The following GPC5 variants were observed in gnomAD, a reference collection of about 807,000 sequenced individuals.
GPC5 encodes glypican 5, also known as glypican-5.
Under a neutral mutation model 53.9 loss-of-function variants are expected in GPC5, and 47 were observed. The observed-to-expected ratio is 0.87, with a 90% CI of 0.69 to 1.11. The LOEUF (loss-of-function observed/expected upper bound fraction) is 1.11. Ranked by LOEUF, GPC5 falls within the 50% of genes most tolerant of loss-of-function variation. The pLI, the probability that GPC5 is intolerant of heterozygous loss-of-function variation, is 0.00. For synonymous variants in GPC5, 286 were observed against 263.3 expected (o/e 1.09, Z -0.84); for missense variants, 748 against 713.1 (o/e 1.05, Z -0.56).
intron 7 of GPC5, among the ~76,000 whole-genome samples, chr13:92,259,034 G>C (rs2042746717): frequency 6.6e-6 from 1 of 152,180 alleles, no homozygotes; most frequent in Non-Finnish European, 1.5e-5. Context: ...ATTCAAGGGA[G>C]TATAAAATTA....
At chr13:91,738,691 AT>A (rs1269726604) in intron 4 of GPC5, among the ~76,000 whole-genome samples, 2 of 151,076 alleles carry the variant, frequency 1.3e-5, no homozygotes, top group Non-Finnish European at 2.9e-5. Context: ...CTTAATGGTT[AT>A]TATAGAGATC....
chr13:92,634,659 C>T (rs1885357369), intron 7 of GPC5, among the ~76,000 whole-genome samples: 2 of 151,958 alleles, frequency 1.3e-5, no homozygotes, highest in Non-Finnish European at 1.5e-5. Context: ...TTTCTATTTT[C>T]TAGAAACACT....
At chr13:92,426,049 C>A (rs903630834) in intron 7 of GPC5, among the ~76,000 whole-genome samples, 1 of 152,050 alleles carries the variant, frequency 6.6e-6, no homozygotes, top group Admixed American at 6.6e-5. Flanking sequence ...TAAAACAATA[C>A]AACACCGAAC....
At chr13:91,698,021 C>A (rs931629940) in intron 3 of GPC5, among the ~76,000 whole-genome samples, 34 of 151,868 alleles carry the variant, frequency 2.2e-4, no homozygotes, top group Non-Finnish European at 4.6e-4. Flanking sequence ...CCTGCCTCAG[C>A]CTCCCAAGTA....
intron 7 of GPC5, among the ~76,000 whole-genome samples, chr13:92,330,677 G>GT (rs2043282253): frequency 6.6e-6 from 1 of 152,102 alleles, no homozygotes; most frequent in Admixed American, 6.6e-5. Context: ...TTTTATTTAA[G>GT]AGTATTTATC....
At chr13:91,859,751 CCT>C (rs2039005607) in intron 5 of GPC5, among the ~76,000 whole-genome samples, 1 of 151,482 alleles carries the variant, frequency 6.6e-6, no homozygotes, top group African/African-American at 2.4e-5. Flanking sequence ...TCTTTCATTA[CCT>C]CTGTTATTTT....
intron 7 of GPC5, among the ~76,000 whole-genome samples, chr13:92,595,584 C>T (rs1382532426): frequency 3.3e-5 from 5 of 151,388 alleles, no homozygotes; most frequent in African/African-American, 4.9e-5. Context: ...CTGGCTAACA[C>T]GGTGAAACCC....
At chr13:92,556,510 T>C (rs1320850624) in intron 7 of GPC5, among the ~76,000 whole-genome samples, 1 of 151,760 alleles carries the variant, frequency 6.6e-6, no homozygotes, top group African/African-American at 2.4e-5. Flanking sequence ...ACAGGCTGTA[T>C]GTAGAGACCC....
intron 2 of GPC5, among the ~76,000 whole-genome samples, chr13:91,524,180 A>G (rs1399666721): frequency 1.3e-5 from 2 of 152,094 alleles, no homozygotes; most frequent in African/African-American, 4.8e-5. Flanking sequence ...TTTTGACAAC[A>G]AGGAAACTGA....
chr13:91,442,344 C>T (rs1880501219), intron 1 of GPC5, among the ~76,000 whole-genome samples: 2 of 151,992 alleles, frequency 1.3e-5, no homozygotes, highest in East Asian at 3.9e-4. Flanking sequence ...ATGTGTTGCC[C>T]ATTTAAAGAA....
chr13:91,705,659 TTC>T (rs1428547658), intron 3 of GPC5, among the ~76,000 whole-genome samples: 8 of 151,976 alleles, frequency 5.3e-5, no homozygotes, highest in African/African-American at 1.4e-4. Flanking sequence ...GAAACCTTTA[TTC>T]TCTTACTTGG....
chr13:92,306,530 G>C (rs2043111939), intron 7 of GPC5, among the ~76,000 whole-genome samples: 1 of 152,206 alleles, frequency 6.6e-6, no homozygotes, highest in South Asian at 2.1e-4. Flanking sequence ...CTAGCCAGAT[G>C]TGTCCTTTTT....
At chr13:92,304,520 T>A (rs922331648) in intron 7 of GPC5, among the ~76,000 whole-genome samples, 28 of 151,980 alleles carry the variant, frequency 1.8e-4, no homozygotes, top group African/African-American at 6.5e-4. Flanking sequence ...TACTTTCAAC[T>A]TTTATTGTTT....
intron 2 of GPC5, among the ~76,000 whole-genome samples, chr13:91,575,757 C>A (rs910051937): frequency 1.3e-5 from 2 of 152,038 alleles, no homozygotes; most frequent in African/African-American, 4.8e-5. Context: ...AAAATTGAGT[C>A]TTTTTCCCAT....
chr13:92,430,066 G>C (rs563135906), intron 7 of GPC5, among the ~76,000 whole-genome samples: 9 of 151,438 alleles, frequency 5.9e-5, no homozygotes, highest in Non-Finnish European at 1.5e-5. Flanking sequence ...TTTCAGAACA[G>C]CATGTTGTAC....
chr13:92,336,689 A>G (rs2043325859), intron 7 of GPC5, among the ~76,000 whole-genome samples: 1 of 152,216 alleles, frequency 6.6e-6, no homozygotes, highest in Non-Finnish European at 1.5e-5. Context: ...ATAATGGTAT[A>G]TAGTGATGAA....
intron 7 of GPC5, among the ~76,000 whole-genome samples, chr13:92,542,003 T>C (rs1049441856): frequency 1.5e-4 from 23 of 151,978 alleles, no homozygotes; most frequent in Non-Finnish European, 5.9e-5. Flanking sequence ...CCAGAAAGGG[T>C]CTGTTTTAAC....
chr13:91,895,777 G>A (rs1207125254), intron 5 of GPC5, among the ~76,000 whole-genome samples: 1 of 152,034 alleles, frequency 6.6e-6, no homozygotes, highest in East Asian at 1.9e-4. Flanking sequence ...TAGGACAAAC[G>A]ATCATGAACG....
intron 5 of GPC5, among the ~76,000 whole-genome samples, chr13:91,831,343 A>T (rs958856479): frequency 1.3e-5 from 2 of 151,926 alleles, no homozygotes; most frequent in South Asian, 4.1e-4. Flanking sequence ...CTTGAAGCTG[A>T]TTAGATTGTG....
Sources: gnomAD v4.1 joint callset for allele counts (sites outside exome capture counted in the v4.1 genomes callset) on GRCh38, gnomAD v4.1.1 for gene constraint, MANE v1.5 for transcripts, NCBI Gene and HGNC (gene_info 2026-07-23, HGNC 2026-07-21) for gene names.